The following PKHD1 variants were observed in gnomAD, a reference collection of about 807,000 sequenced individuals.
The protein encoded by PKHD1 is fibrocystin.
A neutral mutation model predicts 412.0 loss-of-function variants in PKHD1; 291 were observed. That is an observed-to-expected ratio of 0.71 (90% CI 0.64 to 0.78). The LOEUF is 0.78. Among genes scored for constraint, PKHD1 ranks in the 30% least tolerant of loss-of-function variants. The pLI is 0.00. For synonymous variants in PKHD1, 1,777 were observed against 1,821.5 expected (o/e 0.98, Z 0.62); for missense variants, 4,825 against 4,950.7 (o/e 0.97, Z 0.76).
intron 53 of PKHD1, among the ~76,000 whole-genome samples, chr6:51,780,902 T>C (rs992616297): frequency 1.3e-5 from 2 of 152,208 alleles, no homozygotes; most frequent in Non-Finnish European, 2.9e-5. Context: ...AATTGTATTT[T>C]TATATAATTT....
chr6:51,820,806 C>T (rs1766271933), intron 52 of PKHD1, among the ~76,000 whole-genome samples: 1 of 152,124 alleles, frequency 6.6e-6, no homozygotes. Flanking sequence ...TATCTCTAAA[C>T]CTCTGTACAT....
intron 1 of PKHD1, among the ~76,000 whole-genome samples, chr6:52,085,377 C>T (rs1440600951): frequency 3.9e-5 from 6 of 152,166 alleles, no homozygotes; most frequent in Non-Finnish European, 8.8e-5. Context: ...TCCAGCTTTC[C>T]CTCGTGCTGC....
intron 44 of PKHD1, among the ~76,000 whole-genome samples, chr6:51,886,175 A>G (rs557782614): frequency 6.6e-6 from 1 of 152,196 alleles, no homozygotes; most frequent in South Asian, 2.1e-4. Context: ...ATCCCAACAA[A>G]ATGCAGATTA....
chr6:51,743,922 G>A (rs148240507), intron 60 of PKHD1, among the ~76,000 whole-genome samples: 1 of 152,266 alleles, frequency 6.6e-6, no homozygotes, highest in Non-Finnish European at 1.5e-5. Context: ...GTTTGGGGGA[G>A]AGTTGGAGAA....
In PKHD1 at chr6:51,714,310, C is replaced by G. The variant is rs185732422; in HGVS notation, c.10156+30075G>C. Among the ~76,000 whole-genome samples the G allele has an allele frequency of 2.9e-4, 44 of 152,216 alleles. No homozygotes were observed. In the East Asian group the frequency reaches 7.4e-3, roughly 25 times the overall value. Reference sequence around the variant, plus strand: ...GCTTGAACCCAGGAGGCGAAGGTTGCAGTGAGCTGAGATCGTGCCATTGCA... The same window carrying G: ...GCTTGAACCCAGGAGGCGAAGGTTGGAGTGAGCTGAGATCGTGCCATTGCA... On this transcript the variant is annotated intron_variant, in intron 60 of 66. Transcript: ENST00000371117.
At position 51,748,363 on chromosome 6, in the gene PKHD1, G is replaced by C. The variant is rs1164973591; in HGVS notation, c.9253C>G (p.Gln3085Glu). Residue 3085 changes from glutamine to glutamate, a missense_variant, in exon 58 of 67, where the codon CAG (glutamine) becomes GAG (glutamate). Transcript: ENST00000371117. The stretch of plus-strand genomic sequence containing the variant: ...CCATGGAGGTTGATGTCCTTTACCT[G>C]GTTCACTTTGATTCCCGCCACCCAA... ...TIWVAGIKVN[Q>E]VKDINLHGNV... 11 of 1,614,016 alleles carry C rather than the reference G, an allele frequency of 6.8e-6. No homozygotes were observed. Among genetic ancestry groups the C allele is most frequent in the South Asian group, 1.1e-5 (1 of 91,084 alleles).
chr6:51,979,282 T>C (rs1794840517), intron 35 of PKHD1, among the ~76,000 whole-genome samples: 1 of 152,168 alleles, frequency 6.6e-6, no homozygotes, highest in South Asian at 2.1e-4. Flanking sequence ...CAGGATCTTC[T>C]TGACTGTAGG....
intron 52 of PKHD1, among the ~76,000 whole-genome samples, chr6:51,811,082 T>C (rs1007389778): frequency 1.3e-5 from 2 of 152,210 alleles, no homozygotes; most frequent in African/African-American, 4.8e-5. Context: ...TATCTAATTA[T>C]ATAATCAATC....
At chr6:51,653,589 C>G (rs926850754) in intron 61 of PKHD1, among the ~76,000 whole-genome samples, 2 of 152,150 alleles carry the variant, frequency 1.3e-5, no homozygotes, top group Non-Finnish European at 1.5e-5. Flanking sequence ...TGATTAAACT[C>G]TTGTGATTCC....
chr6:51,881,429 C>T (rs1777333463), intron 46 of PKHD1, among the ~76,000 whole-genome samples: 1 of 152,286 alleles, frequency 6.6e-6, no homozygotes, highest in African/African-American at 2.4e-5. Flanking sequence ...TTGTACATTA[C>T]ATCTCTGGAT....
chr6:51,923,640 G>T (rs958593855), intron 37 of PKHD1, among the ~76,000 whole-genome samples: 4 of 152,106 alleles, frequency 2.6e-5, no homozygotes, highest in Non-Finnish European at 5.9e-5. Context: ...AATATTTGTA[G>T]ATTTGCCATC....
At chr6:51,760,037 TAG>T (rs1310955355) in intron 55 of PKHD1, among the ~76,000 whole-genome samples, 3 of 152,158 alleles carry the variant, frequency 2.0e-5, no homozygotes, top group African/African-American at 4.8e-5. Context: ...CATCATCTTT[TAG>T]AGGTTACATA....
intron 36 of PKHD1, among the ~76,000 whole-genome samples, chr6:51,950,702 AG>A (rs1214645984): frequency 6.6e-6 from 1 of 152,184 alleles, no homozygotes; most frequent in African/African-American, 2.4e-5. Context: ...TGATTGTTCT[AG>A]GTGTCCGTAG....
chr6:51,887,311 A>C, intron 43 of PKHD1, 66 bp from the exon 44 acceptor site: 1 of 1,019,366 alleles, frequency 9.8e-7, no homozygotes, highest in South Asian at 1.3e-5. Context: ...GGAAAGAAAG[A>C]CTCTTGTTTG....
chr6:51,648,029 A>G lies in PKHD1; in HGVS notation c.11398+2T>C, dbSNP rs754038777. On this transcript the variant is annotated splice_donor_variant, in intron 63 of 66. Transcript: ENST00000371117. LOFTEE classifies it high-confidence loss of function. ...TCTGAAATTTACAGATACTTTACCT[A>G]CCTTTTAGCACTGAGTCTGATGCTC... 4 of 1,546,484 alleles carry G rather than the reference A, an allele frequency of 2.6e-6. No homozygotes were observed. The highest frequency in any genetic ancestry group is 3.6e-6 in the Non-Finnish European group (4 of 1,118,348).
At chr6:51,813,677 A>G (rs1765022902) in intron 52 of PKHD1, among the ~76,000 whole-genome samples, 1 of 152,176 alleles carries the variant, frequency 6.6e-6, no homozygotes, top group East Asian at 1.9e-4. Flanking sequence ...GTCCTTATTA[A>G]CGCAATATGA....
rs371622058 is a variant in PKHD1 at position 52,010,318 on chromosome 6, C to G, written c.5742G>C (p.Gln1914His). Residue 1914 changes from glutamine to histidine, a missense_variant, in exon 35 of 67, where the codon CAG (glutamine) becomes CAC (histidine). By Grantham distance (24) the Gln-to-His change is conservative (BLOSUM62 0). Transcript: ENST00000371117. ...AAAGATTTGATTATACCTGAGTGTT[C>G]TGGCCCCAGCGTTTCCGTATCTCAG... ...KITEIRKRWGQNTQGNFSLQF... is the reference protein window; with the variant it reads ...KITEIRKRWGHNTQGNFSLQF... 1.2e-6 allele frequency: 2 copies of G among 1,613,568 alleles called. No homozygotes were observed. Among genetic ancestry groups the G allele is most frequent in the Admixed American group, 3.3e-5 (2 of 59,980 alleles).
intron 31 of PKHD1, 141 bp from the exon 32 acceptor site, chr6:52,026,322 A>G: frequency 1.3e-6 from 1 of 774,344 alleles, no homozygotes; most frequent in Non-Finnish European, 2.2e-6. Flanking sequence ...TCTCACCCCC[A>G]CCAAAGCTAA....
intron 37 of PKHD1, among the ~76,000 whole-genome samples, chr6:51,925,793 CCT>C (rs1785500443): frequency 6.6e-6 from 1 of 151,938 alleles, no homozygotes; most frequent in African/African-American, 2.4e-5. Context: ...TCTCTCCCTT[CCT>C]CTCTCTCTTT....
Sources: allele counts gnomAD v4.1 joint callset (sites outside exome capture counted in the v4.1 genomes callset), GRCh38; gene constraint gnomAD v4.1.1; transcripts MANE v1.5; gene names NCBI Gene and HGNC (gene_info 2026-07-23, HGNC 2026-07-21).